RIBC2: variants seen among roughly 807,000 people sequenced by gnomAD.
RIBC2 encodes RIB43A domain with coiled-coils 2.
Under a neutral mutation model 44.3 loss-of-function variants are expected in RIBC2, and 40 were observed. The ratio of observed to expected loss-of-function variants is 0.90; its 90% CI spans 0.70 to 1.18. The LOEUF is 1.18. Ranked by LOEUF, RIBC2 falls within the 50% of genes most tolerant of loss-of-function variation. The pLI is 0.00. For synonymous variants in RIBC2, 171 were observed against 175.0 expected (o/e 0.98, Z 0.18); for missense variants, 459 against 485.5 (o/e 0.95, Z 0.51).
At chr22:45,418,743 C>T (rs1005542075) in intron 3 of RIBC2, among the ~76,000 whole-genome samples, 3 of 152,078 alleles carry the variant, frequency 2.0e-5, no homozygotes, top group South Asian at 2.1e-4. Flanking sequence ...TTTGCAGTCT[C>T]CTTGCTCGGC....
At chr22:45,419,332 TCTTCTAG>T (rs1244790983) in intron 3 of RIBC2, among the ~76,000 whole-genome samples, 1 of 152,194 alleles carries the variant, frequency 6.6e-6, no homozygotes, top group African/African-American at 2.4e-5. Flanking sequence ...ACAGCTCCTT[TCTTCTAG>T]CTGCCCAGGC....
chr22:45,414,919 G>A (rs2087405749), intron 2 of RIBC2, among the ~76,000 whole-genome samples: 2 of 152,268 alleles, frequency 1.3e-5, no homozygotes, highest in South Asian at 4.1e-4. Flanking sequence ...AAGGACAGCT[G>A]TTTATACCAG....
intron 3 of RIBC2, among the ~76,000 whole-genome samples, chr22:45,420,702 G>A (rs370207770): frequency 6.6e-6 from 1 of 152,098 alleles, no homozygotes; most frequent in Non-Finnish European, 1.5e-5. Context: ...CTGACTCCAG[G>A]CCATCTCTGA....
intron 4 of RIBC2, 32 bp from the exon 5 acceptor site, chr22:45,425,916 G>C (rs749402615): frequency 6.3e-7 from 1 of 1,588,620 alleles, no homozygotes; most frequent in Non-Finnish European, 8.6e-7. Flanking sequence ...GGGTCACTCG[G>C]ACCATCTTCT....
rs532125781 is a variant in RIBC2 at position 45,415,516 on chromosome 22, C to T, written c.211+1113C>T. 3.9e-5 allele frequency among the ~76,000 whole-genome samples: 6 copies of T among 151,960 alleles called. No individual in the cohort carries two copies. The South Asian group carries it at 8.3e-4, about 21-fold the overall frequency. The stretch of plus-strand genomic sequence containing the variant: ...AAACAATGTGACAGGTACATATGTA[C>T]CCACCATCAGACTAGATGTTAACAT... On this transcript the variant is annotated intron_variant, in intron 2 of 6. Transcript: ENST00000614167.
intron 2 of RIBC2, among the ~76,000 whole-genome samples, chr22:45,415,450 TTTA>T (rs2087415002): frequency 6.6e-6 from 1 of 152,060 alleles, no homozygotes; most frequent in African/African-American, 2.4e-5. Flanking sequence ...TTTTATCTTT[TTTA>T]TTAATATTTT....
intron 2 of RIBC2, among the ~76,000 whole-genome samples, chr22:45,417,081 A>G (rs1428626286): frequency 6.6e-6 from 1 of 151,480 alleles, no homozygotes; most frequent in Non-Finnish European, 1.5e-5. Context: ...TTGAATTTTT[A>G]GTAGAGACAG....
In RIBC2 at chr22:45,426,004, C is replaced by T; in HGVS notation, c.732C>T (p.Asn244=). 6.2e-7 allele frequency: 1 copy of T among 1,614,116 alleles called. No individual in the cohort carries two copies. Among genetic ancestry groups the T allele is most frequent in the Non-Finnish European group, 8.5e-7 (1 of 1,180,022 alleles). The change falls in exon 5 of 7, where the codon AAC becomes AAT. Residue 244 remains asparagine, a synonymous_variant. Transcript: ENST00000614167. The part of the protein sequence containing the change: ...KQEKKQEQED[N]LAEITNLLRG... ...AGAAAAAGCAAGAACAAGAGGACAA[C>T]TTGGCCGAGATCACCAACCTCCTGC...
At position 45,417,800 on chromosome 22, in the gene RIBC2, G is replaced by A. The variant is rs200022735; in HGVS notation, c.410G>A (p.Arg137Gln). 3.0e-5 allele frequency: 48 copies of A among 1,613,916 alleles called. No individual in the cohort carries two copies. The highest frequency in any genetic ancestry group is 8.8e-5 in the South Asian group (8 of 91,074). The change falls in exon 3 of 7, where the codon CGG (arginine) becomes CAG (glutamine). Residue 137 changes from arginine (R) to glutamine (Q), a missense_variant. Coordinates refer to ENST00000614167, the MANE Select transcript of RIBC2 (RefSeq NM_015653.5). ...GCCCGGCAGTCAGATAATGATGTTC[G>A]GAATACGATATCAGGAATGCAGAAA... The part of the protein sequence containing the change: ...LPARQSDNDV[R>Q]NTISGMQKFM...
chr22:45,425,835 C>T (rs1022476), intron 4 of RIBC2, 113 bp from the exon 5 acceptor site: 98,556 of 875,882 alleles, frequency 0.11, 6,379 homozygotes, highest in African/African-American at 0.2. Context: ...CCGACTCCTG[C>T]TGCCCTTAGC....
chr22:45,426,833 G>A (rs2087539101), intron 5 of RIBC2, among the ~76,000 whole-genome samples: 1 of 152,162 alleles, frequency 6.6e-6, no homozygotes, highest in Admixed American at 6.5e-5. Context: ...TGGGACCACG[G>A]GGCAGGCAGT....
chr22:45,422,207 T>C lies in RIBC2; in HGVS notation c.557-83T>C, dbSNP rs2087492184. 46 of 893,708 alleles carry C rather than the reference T, an allele frequency of 5.1e-5. 1 individual carries two copies. The highest frequency in any genetic ancestry group is 5.0e-4 in the South Asian group (37 of 74,542). The allele number at this position is 893,708 out of a possible 1,614,324, so 55.4% of individuals were successfully genotyped here. ...CTCATGCTCATGGCTAAGGACGTGG[T>C]AGGAGGCAAAGGCACGAACGGCCAC... On this transcript the variant is annotated intron_variant, in intron 3 of 6. Transcript: ENST00000614167.
At chr22:45,426,245 A>G in intron 5 of RIBC2, 70 bp downstream of exon 5, 1 of 1,369,766 alleles carries the variant, frequency 7.3e-7, no homozygotes, top group African/African-American at 1.4e-5. Context: ...TTCCAGGCAC[A>G]AATGTAGTTG....
rs532931170 is a variant in RIBC2, at chr22:45,431,257, A to G, written c.1070+191A>G. ...TGGGCCACAGGTCACTGCTGTCCAC[A>G]CGGGGTGCATGGGTGGAGGGCACCG... is the stretch of plus-strand genomic sequence containing the variant. On this transcript the variant is annotated intron_variant, in intron 6 of 6. Transcript: ENST00000614167. Among the ~76,000 whole-genome samples the G allele has an allele frequency of 3.7e-3, 563 of 152,272 alleles. 2 individuals carry two copies. The highest frequency in any genetic ancestry group is 6.1e-3 in the Non-Finnish European group (418 of 68,014).
At position 45,414,016 on chromosome 22, in the gene RIBC2, G is replaced by A. The variant is rs1244429809; in HGVS notation, c.129+1G>A. ...CAACGCCAGAAACAGGATAATTGGG[G>A]TGAAAGGGCAGGGGCCGGGACGGGG... On this transcript the variant is annotated splice_donor_variant, in intron 1 of 6. Coordinates refer to ENST00000614167, the MANE Select transcript of RIBC2 (RefSeq NM_015653.5). LOFTEE classifies it high-confidence loss of function. The A allele has an allele frequency of 1.9e-6, 3 of 1,551,526 alleles. No homozygotes were observed. The highest frequency in any genetic ancestry group is 2.6e-6 in the Non-Finnish European group (3 of 1,146,928).
chr22:45,415,725 A>G (rs1256845541), intron 2 of RIBC2, among the ~76,000 whole-genome samples: 1 of 151,546 alleles, frequency 6.6e-6, no homozygotes, highest in South Asian at 2.1e-4. Flanking sequence ...TTTGAGATGG[A>G]GTCTTGCTCT....
chr22:45,431,776 T>C (rs1332667818), intron 6 of RIBC2, among the ~76,000 whole-genome samples: 2 of 152,136 alleles, frequency 1.3e-5, no homozygotes, highest in East Asian at 3.9e-4. Flanking sequence ...GAGACCAGAC[T>C]GGCCAACATG....
intron 4 of RIBC2, among the ~76,000 whole-genome samples, chr22:45,425,725 G>A (rs1208895972): frequency 6.6e-6 from 1 of 152,144 alleles, no homozygotes; most frequent in Non-Finnish European, 1.5e-5. Context: ...CACCCAACAG[G>A]TGGTGATCCC....
intron 4 of RIBC2, among the ~76,000 whole-genome samples, chr22:45,423,403 A>G (rs1371723782): frequency 1.3e-5 from 2 of 152,106 alleles, no homozygotes; most frequent in Non-Finnish European, 2.9e-5. Flanking sequence ...TCGCTCGTCA[A>G]CTAGAACTAT....
Sources: gnomAD v4.1 joint callset for allele counts (sites outside exome capture counted in the v4.1 genomes callset) on GRCh38, gnomAD v4.1.1 for gene constraint, MANE v1.5 for transcripts, NCBI Gene and HGNC (gene_info 2026-07-23, HGNC 2026-07-21) for gene names.